The following MAP2 variants were observed in gnomAD, a reference collection of about 807,000 sequenced individuals.
MAP2 encodes microtubule associated protein 2, also known as microtubule-associated protein 2.
In MAP2, 14 loss-of-function variants were observed where a neutral mutation model predicts 137.6. The observed-to-expected ratio is 0.10, with a 90% CI of 0.07 to 0.16. The LOEUF is 0.16. Ranked by LOEUF, MAP2 falls within the 10% of genes least tolerant of loss-of-function variation. The probability of loss-of-function intolerance (pLI) is 1.00; values close to 1 mark genes in which losing one functional copy is unlikely to be tolerated. For synonymous variants in MAP2, 786 were observed against 782.3 expected (o/e 1.00, Z -0.08); for missense variants, 2,088 against 2,191.5 (o/e 0.95, Z 0.94).
At chr2:209,616,825 C>T (rs2089590765) in intron 3 of MAP2, among the ~76,000 whole-genome samples, 1 of 152,122 alleles carries the variant, frequency 6.6e-6, no homozygotes, top group Non-Finnish European at 1.5e-5. Flanking sequence ...GTCTGCCCAG[C>T]CTGCCATAAA....
chr2:209,664,230 G>A (rs948026544), intron 5 of MAP2, among the ~76,000 whole-genome samples: 1 of 152,072 alleles, frequency 6.6e-6, no homozygotes, highest in African/African-American at 2.4e-5. Flanking sequence ...ATATGTATGT[G>A]CTAATACATA....
intron 4 of MAP2, among the ~76,000 whole-genome samples, chr2:209,637,708 G>A (rs35409969): frequency 0.22 from 32,707 of 151,860 alleles, 5,577 homozygotes; most frequent in African/African-American, 0.46. Flanking sequence ...GCTATCCTTT[G>A]TTATTGTGAT....
intron 5 of MAP2, among the ~76,000 whole-genome samples, chr2:209,675,862 AC>A (rs1197669514): frequency 1.3e-5 from 2 of 151,788 alleles, no homozygotes; most frequent in African/African-American, 4.8e-5. Flanking sequence ...AGAATGCAGG[AC>A]CCCCATTTAA....
intron 2 of MAP2, among the ~76,000 whole-genome samples, chr2:209,510,873 T>G (rs1263234133): frequency 6.6e-6 from 1 of 152,006 alleles, no homozygotes; most frequent in African/African-American, 2.4e-5. Context: ...CTTATAAAGA[T>G]AGATGATCAT....
intron 1 of MAP2, among the ~76,000 whole-genome samples, chr2:209,495,967 T>G (rs1431582561): frequency 6.6e-6 from 1 of 152,210 alleles, no homozygotes; most frequent in Non-Finnish European, 1.5e-5. Flanking sequence ...TGAAATAGTT[T>G]CAATTTCCCA....
chr2:209,706,553 G>T (rs975327604), intron 12 of MAP2, among the ~76,000 whole-genome samples: 1 of 151,802 alleles, frequency 6.6e-6, no homozygotes, highest in Admixed American at 6.6e-5. Flanking sequence ...CTCTAGAGAG[G>T]GTAACTGCTT....
chr2:209,440,353 A>G (rs1269832184), intron 1 of MAP2, among the ~76,000 whole-genome samples: 2 of 151,592 alleles, frequency 1.3e-5, no homozygotes, highest in Non-Finnish European at 3.0e-5. Context: ...TGAAAGAATC[A>G]ACACTATCTG....
rs1205591090 is a variant in MAP2 at position 209,695,064 on chromosome 2, A to G, written c.2894A>G (p.Glu965Gly). ...AATGATAGGTTGGATACTGTACTAG[A>G]AAAGAGTGAAGAACATGCTGATTCA... ...KANDRLDTVL[E>G]KSEEHADSKE... The change falls in exon 8 of 16, where the codon GAA becomes GGA. Residue 965 changes from glutamate to glycine, a missense_variant. Around this residue, in one of 6 missense-constraint regions of MAP2, gnomAD observed 500 missense variants for 482.9 expected, o/e 1.04. Transcript: ENST00000682079. 1.2e-6 allele frequency: 2 copies of G among 1,614,168 alleles called. No homozygotes were observed. Among genetic ancestry groups the G allele is most frequent in the South Asian group, 1.1e-5 (1 of 91,084 alleles).
intron 3 of MAP2, among the ~76,000 whole-genome samples, chr2:209,584,133 TG>T (rs1219326869): frequency 1.3e-5 from 2 of 152,104 alleles, no homozygotes; most frequent in East Asian, 3.8e-4. Context: ...TAGTATTCCA[TG>T]GTGTATATAT....
chr2:209,457,250 A>G (rs992258332), intron 1 of MAP2, among the ~76,000 whole-genome samples: 3 of 152,206 alleles, frequency 2.0e-5, no homozygotes, highest in Non-Finnish European at 4.4e-5. Context: ...GAGCTTTTGC[A>G]TAGATATTGG....
At chr2:209,515,928 C>G (rs892080922) in intron 2 of MAP2, among the ~76,000 whole-genome samples, 1 of 152,042 alleles carries the variant, frequency 6.6e-6, no homozygotes, top group Non-Finnish European at 1.5e-5. Context: ...GCTGGGGCCA[C>G]AGGTGCACAC....
intron 7 of MAP2, among the ~76,000 whole-genome samples, chr2:209,686,519 TGA>T (rs1160444541): frequency 2.0e-5 from 3 of 152,086 alleles, no homozygotes; most frequent in Non-Finnish European, 4.4e-5. Flanking sequence ...TTCTTATTAT[TGA>T]GAGTCATGAA....
intron 1 of MAP2, among the ~76,000 whole-genome samples, chr2:209,425,264 C>T (rs1692229137): frequency 6.6e-6 from 1 of 152,156 alleles, no homozygotes; most frequent in Non-Finnish European, 1.5e-5. Flanking sequence ...TGCCATCTGT[C>T]GTAAGCTCTT....
intron 2 of MAP2, among the ~76,000 whole-genome samples, chr2:209,519,137 T>A (rs2062920904): frequency 6.6e-6 from 1 of 152,040 alleles, no homozygotes; most frequent in Non-Finnish European, 1.5e-5. Context: ...GAAAACACTT[T>A]TACTATTAAG....
chr2:209,605,222 G>A (rs900593933), intron 3 of MAP2, among the ~76,000 whole-genome samples: 1 of 152,094 alleles, frequency 6.6e-6, no homozygotes, highest in East Asian at 1.9e-4. Context: ...CACTATCTTA[G>A]ACAGTTTTGT....
intron 2 of MAP2, among the ~76,000 whole-genome samples, chr2:209,513,877 C>G (rs1332891934): frequency 1.3e-5 from 2 of 152,112 alleles, no homozygotes; most frequent in Admixed American, 6.6e-5. Flanking sequence ...CACCTCTCCT[C>G]TTCTAAATTA....
chr2:209,489,577 C>G (rs2058816735), intron 1 of MAP2, among the ~76,000 whole-genome samples: 1 of 152,010 alleles, frequency 6.6e-6, no homozygotes, highest in African/African-American at 2.4e-5. Flanking sequence ...ACTAGAATAA[C>G]CAGTTTAGAG....
At chr2:209,497,845 C>G (rs1475992065) in intron 1 of MAP2, among the ~76,000 whole-genome samples, 1 of 152,188 alleles carries the variant, frequency 6.6e-6, no homozygotes, top group Non-Finnish European at 1.5e-5. Flanking sequence ...TCCTACTAGG[C>G]CCCACCTCCA....
At chr2:209,526,192 T>A (rs919154368) in intron 2 of MAP2, among the ~76,000 whole-genome samples, 5 of 152,154 alleles carry the variant, frequency 3.3e-5, no homozygotes, top group African/African-American at 1.2e-4. Context: ...TGCCTACTTT[T>A]TTCATAAGTC....
Sources: gnomAD v4.1 joint callset for allele counts (sites outside exome capture counted in the v4.1 genomes callset) on GRCh38, gnomAD v4.1.1 for gene constraint, gnomAD v4.1.1 regional missense constraint, MANE v1.5 for transcripts, NCBI Gene and HGNC (gene_info 2026-07-23, HGNC 2026-07-21) for gene names.